Variants in LRRC4 observed in about 807,000 individuals in gnomAD.
LRRC4 encodes leucine rich repeat containing 4, also known as leucine-rich repeat-containing protein 4.
A neutral mutation model predicts 37.9 loss-of-function variants in LRRC4; 11 were observed. That is an observed-to-expected ratio of 0.29 (90% CI 0.18 to 0.48). The LOEUF is 0.48. Ranked by LOEUF, LRRC4 falls within the 20% of genes least tolerant of loss-of-function variation. LRRC4 has a pLI of 0.99. For missense variants in LRRC4, 717 were observed against 842.1 expected (o/e 0.85, Z 1.84); for synonymous variants, 404 against 346.7 (o/e 1.17, Z -1.84).
rs1792501927 is a variant in LRRC4 at position 128,029,284 on chromosome 7, A to G, written c.1357T>C (p.Phe453Leu). The stretch of plus-strand genomic sequence containing the variant: ...GTCTCCACTGTTACTGTGGTGAAGA[A>G]GCTGTAGTTGGAGGTGTTAAGCTCA... ...TAELNTSNYS[F>L]FTTVTVETTE... Residue 453 changes from phenylalanine to leucine, a missense_variant, in exon 2 of 2, where the codon TTC becomes CTC. Phe to Leu is a conservative substitution (Grantham distance 22, BLOSUM62 0). This residue lies in a region of LRRC4 where 293 missense variants were observed against 268.3 expected (regional missense o/e 1.09). Transcript: ENST00000249363. The surrounding 1 kb of genome is among the most constrained non-coding windows in gnomAD (Gnocchi z 4.2). The G allele has an allele frequency of 6.2e-7, 1 of 1,614,160 alleles. No individual in the cohort carries two copies.
Position 128,028,495 on chromosome 7 carries a change from A to C in LRRC4, c.*184T>G. The C allele has an allele frequency of 8.6e-6, 5 of 582,802 alleles. No homozygotes were observed. Among genetic ancestry groups the C allele is most frequent in the East Asian group, 3.2e-5 (1 of 31,096 alleles). 36.1% of individuals were successfully genotyped at this position (582,802 alleles called of 1,614,324 possible). On this transcript the variant is annotated 3_prime_UTR_variant, in exon 2 of 2. Coordinates refer to ENST00000249363, the MANE Select transcript of LRRC4 (RefSeq NM_022143.5). ...CCCACCCCCTTTAAATAGAACTTAC[A>C]AGTTAGAAAATATTTTTGTTTTGAC...
rs777776963 is a variant in LRRC4, at chr7:128,030,136, G to A, written c.505C>T (p.Arg169Trp). The change falls in exon 2 of 2, where the codon CGG becomes TGG. Residue 169 changes from arginine to tryptophan, a missense_variant. Coordinates refer to ENST00000249363, the MANE Select transcript of LRRC4 (RefSeq NM_022143.5). ...IESIPSYAFN[R>W]VPSLMRLDLG... ...TCCAGGCGCATGAGGGAGGGCACCCGGTTGAAGGCGTAAGAGGGGATGCTT... is the reference window on the plus strand; with the variant it reads ...TCCAGGCGCATGAGGGAGGGCACCCAGTTGAAGGCGTAAGAGGGGATGCTT... 3.7e-6 allele frequency: 6 copies of A among 1,614,194 alleles called. No individual in the cohort carries two copies. The highest frequency in any genetic ancestry group is 5.1e-6 in the Non-Finnish European group (6 of 1,180,034).
rs771650470 is a variant in LRRC4 at position 128,029,575 on chromosome 7, T to C, written c.1066A>G (p.Met356Val). ...ATGTTGAGGTCTCGAGGTGCGTCCATGATGAAGGGGGCAGAGCACTGGAAG... is the reference window on the plus strand; with the variant it reads ...ATGTTGAGGTCTCGAGGTGCGTCCACGATGAAGGGGGCAGAGCACTGGAAG... ...ASFQCSAPFI[M>V]DAPRDLNISE... Residue 356 changes from methionine (M) to valine (V), a missense_variant, in exon 2 of 2, where the codon ATG (methionine) becomes GTG (valine). Physicochemically the swap from Met to Val is conservative, Grantham distance 21. Around this residue, in one of 5 missense-constraint regions of LRRC4, gnomAD observed 293 missense variants for 268.3 expected, o/e 1.09. Coordinates refer to ENST00000249363, the MANE Select transcript of LRRC4 (RefSeq NM_022143.5). This position sits in a 1 kb window ranked among gnomAD's most constrained non-coding sequence, Gnocchi z 4.2. The C allele has an allele frequency of 1.9e-6, 3 of 1,613,858 alleles. No individual in the cohort carries two copies. Among genetic ancestry groups the C allele is most frequent in the Non-Finnish European group, 1.7e-6 (2 of 1,179,982 alleles).
In LRRC4 at chr7:128,030,004, T is replaced by C. The variant is rs1257137773; in HGVS notation, c.637A>G (p.Asn213Asp). ...TCCAGCCCCACCAGGGGGGTGAGATTGGGCATGTCTTTAATGTTGCACATG... is the reference window on the plus strand; with the variant it reads ...TCCAGCCCCACCAGGGGGGTGAGATCGGGCATGTCTTTAATGTTGCACATG... ...LGMCNIKDMPNLTPLVGLEEL... is the reference protein window; with the variant it reads ...LGMCNIKDMPDLTPLVGLEEL... Residue 213 changes from asparagine to aspartate, a missense_variant, in exon 2 of 2, where the codon AAT becomes GAT. Asn to Asp is a conservative substitution (Grantham distance 23). Coordinates refer to ENST00000249363, the MANE Select transcript of LRRC4 (RefSeq NM_022143.5). 1 of 1,613,132 alleles carries C rather than the reference T, an allele frequency of 6.2e-7. No individual in the cohort carries two copies. The highest frequency in any genetic ancestry group is 8.5e-7 in the Non-Finnish European group (1 of 1,180,006).
chr7:128,030,750 G>T lies in LRRC4; in HGVS notation c.-100-10C>A. On this transcript the variant is annotated splice_polypyrimidine_tract_variant and intron_variant, in intron 1 of 1. Transcript: ENST00000249363. ...GAGCTCCTCTTTCCATCTGGAGAAG[G>T]AGGTGGGGAGGGGGCGATTAGAGAG... The T allele has an allele frequency of 7.4e-7, 1 of 1,350,110 alleles. No homozygotes were observed. Among genetic ancestry groups the T allele is most frequent in the Non-Finnish European group, 1.0e-6 (1 of 995,340 alleles). 83.6% of individuals were successfully genotyped at this position (1,350,110 alleles called of 1,614,324 possible).
rs142682142 is a variant in LRRC4, at chr7:128,029,604, G to A, written c.1037C>T (p.Ala346Val). ...GAAGGGGGCAGAGCACTGGAAGGAGGCCTGGTCCACCTCCACGAGGTAGCG... is the reference window on the plus strand; with the variant it reads ...GAAGGGGGCAGAGCACTGGAAGGAGACCTGGTCCACCTCCACGAGGTAGCG... ...RGRYLVEVDQ[A>V]SFQCSAPFIM... is the part of the protein sequence containing the mutation. Residue 346 changes from alanine (A) to valine (V), a missense_variant, in exon 2 of 2, where the codon GCC (alanine) becomes GTC (valine). Around this residue, in one of 5 missense-constraint regions of LRRC4, gnomAD observed 293 missense variants for 268.3 expected, o/e 1.09. Coordinates refer to ENST00000249363, the MANE Select transcript of LRRC4 (RefSeq NM_022143.5). The surrounding 1 kb of genome is among the most constrained non-coding windows in gnomAD (Gnocchi z 4.2). 6.2e-6 allele frequency: 10 copies of A among 1,614,050 alleles called. No individual in the cohort carries two copies. In the Admixed American group the frequency reaches 8.3e-5, roughly 13 times the overall value.
At position 128,028,569 on chromosome 7, in the gene LRRC4, A is replaced by G; in HGVS notation, c.*110T>C. 1 of 1,040,712 alleles carries G rather than the reference A, an allele frequency of 9.6e-7. No homozygotes were observed. Among genetic ancestry groups the G allele is most frequent in the East Asian group, 2.4e-5 (1 of 41,416 alleles). The allele number at this position is 1,040,712 out of a possible 1,614,324, so 64.5% of individuals were successfully genotyped here. On this transcript the variant is annotated 3_prime_UTR_variant, in exon 2 of 2. Coordinates refer to ENST00000249363, the MANE Select transcript of LRRC4 (RefSeq NM_022143.5). ...AATCTGTTTTTTTTAACCAGCCCATAGACTTAATATATAAGCATATACAAG... is the reference window on the plus strand; with the variant it reads ...AATCTGTTTTTTTTAACCAGCCCATGGACTTAATATATAAGCATATACAAG...
rs767577383 is a variant in LRRC4, at chr7:128,030,405, T to C, written c.236A>G (p.Tyr79Cys). Residue 79 changes from tyrosine (Y) to cysteine (C), a missense_variant, in exon 2 of 2, where the codon TAC becomes TGC. Tyr to Cys is a radical substitution (Grantham distance 194). Transcript: ENST00000249363. Reference sequence around the variant, plus strand: ...GATGTTGTTCTCCATGAGGTTGAGGTACCGGGTGTTCGAGGGAATACCCTG... The same window carrying C: ...GATGTTGTTCTCCATGAGGTTGAGGCACCGGGTGTTCGAGGGAATACCCTG... ...VPQGIPSNTRYLNLMENNIQM... is the reference protein window; with the variant it reads ...VPQGIPSNTRCLNLMENNIQM... The C allele has an allele frequency of 1.2e-6, 2 of 1,613,846 alleles. No homozygotes were observed. Among genetic ancestry groups the C allele is most frequent in the South Asian group, 1.1e-5 (1 of 91,086 alleles).
In LRRC4 at chr7:128,027,146, A is replaced by G. The variant is rs1378175545; in HGVS notation, c.*1533T>C. On this transcript the variant is annotated 3_prime_UTR_variant, in exon 2 of 2. Coordinates refer to ENST00000249363, the MANE Select transcript of LRRC4 (RefSeq NM_022143.5). The stretch of plus-strand genomic sequence containing the variant: ...TTACAATCAGTGTTCTTTTGTTGGC[A>G]ATTCCCCTCCCCCACCCATACCACC... The G allele has an allele frequency of 2.0e-5, 3 of 152,528 alleles. No individual in the cohort carries two copies. The highest frequency in any genetic ancestry group is 2.9e-5 in the Non-Finnish European group (2 of 68,010). The allele number at this position is 152,528 out of a possible 1,614,324, so 9.4% of individuals were successfully genotyped here.
At chr7:128,030,789 G>A (rs1050933275) in intron 1 of LRRC4, 49 bp from the exon 2 acceptor site, 1 of 1,035,684 alleles carries the variant, frequency 9.7e-7, no homozygotes, top group Admixed American at 3.3e-5. Context: ...GAGCGGATCG[G>A]CCGAAAAAAA....
Position 128,031,310 on chromosome 7 carries a change from CCCGCTCTGCGGG to C in LRRC4, c.-510_-499del, listed in dbSNP as rs1171634467. ...CCAAAGTGCGCTCCGGCGGCCCCGGCCCGCTCTGCGGGCCGCCGCCGGAGGGAGTGCGGGGGC... is the reference window on the plus strand; with the variant it reads ...CCAAAGTGCGCTCCGGCGGCCCCGGCCCGCCGCCGGAGGGAGTGCGGGGGC... On this transcript the variant is annotated 5_prime_UTR_variant, in exon 1 of 2. Transcript: ENST00000249363. 6.6e-6 allele frequency among the ~76,000 whole-genome samples: 1 copy of C among 151,594 alleles called. No homozygotes were observed. Among genetic ancestry groups the C allele is most frequent in the Non-Finnish European group, 1.5e-5 (1 of 67,776 alleles).
chr7:128,028,466 C>A lies in LRRC4; in HGVS notation c.*213G>T. The A allele has an allele frequency of 9.1e-5, 36 of 396,380 alleles. No individual in the cohort carries two copies. Among genetic ancestry groups the A allele is most frequent in the East Asian group, 1.4e-4 (3 of 21,408 alleles). The allele number at this position is 396,380 out of a possible 1,614,324, so 24.6% of individuals were successfully genotyped here. A position where few individuals can be genotyped will look rare whatever the true frequency, so the allele number is the denominator to read the frequency against. On this transcript the variant is annotated 3_prime_UTR_variant, in exon 2 of 2. Transcript: ENST00000249363. Reference sequence around the variant, plus strand: ...TGTACCCCACAACGTTCCCAAGATTCCCCCCCACCCCCTTTAAATAGAACT... The same window carrying A: ...TGTACCCCACAACGTTCCCAAGATTACCCCCCACCCCCTTTAAATAGAACT...
At chr7:128,030,764 G>T in intron 1 of LRRC4, 24 bp from the exon 2 acceptor site, 1 of 1,261,796 alleles carries the variant, frequency 7.9e-7, no homozygotes, top group Non-Finnish European at 1.1e-6. Flanking sequence ...TGGGGAGGGG[G>T]CGATTAGAGA....
upstream of LRRC4, among the ~76,000 whole-genome samples, chr7:128,031,775 C>G (rs1290542399): frequency 6.9e-6 from 1 of 145,350 alleles, no homozygotes; most frequent in African/African-American, 2.5e-5. Context: ...CGCGCAACCG[C>G]CCGTCGCCGC....
Position 128,029,287 on chromosome 7 carries a change from T to C in LRRC4, c.1354A>G (p.Ser452Gly), listed in dbSNP as rs767816304. 1 of 1,614,112 alleles carries C rather than the reference T, an allele frequency of 6.2e-7. No homozygotes were observed. ...STAELNTSNY[S>G]FFTTVTVETT... ...TCCACTGTTACTGTGGTGAAGAAGC[T>C]GTAGTTGGAGGTGTTAAGCTCAGCC... The change falls in exon 2 of 2, where the codon AGC (serine) becomes GGC (glycine). Residue 452 changes from serine (S) to glycine (G), a missense_variant. Ser to Gly is a moderately conservative substitution (Grantham distance 56). Around this residue, in one of 5 missense-constraint regions of LRRC4, gnomAD observed 293 missense variants for 268.3 expected, o/e 1.09. Transcript: ENST00000249363. The surrounding 1 kb of genome is among the most constrained non-coding windows in gnomAD (Gnocchi z 4.2).
At position 128,028,949 on chromosome 7, in the gene LRRC4, C is replaced by A. The variant is rs1306030089; in HGVS notation, c.1692G>T (p.Arg564=). The change falls in exon 2 of 2, where the codon CGG becomes CGT. Residue 564 remains arginine, a synonymous_variant. Coordinates refer to ENST00000249363, the MANE Select transcript of LRRC4 (RefSeq NM_022143.5). The part of the protein sequence containing the change: ...HQQRSTVTAA[R]TVEIIQVDED... ...CGTCCACCTGGATTATCTCAACAGT[C>A]CGGGCGGCTGTGACTGTACTCCGCT... The A allele has an allele frequency of 6.2e-7, 1 of 1,608,310 alleles. No individual in the cohort carries two copies. Among genetic ancestry groups the A allele is most frequent in the African/African-American group, 1.3e-5 (1 of 74,968 alleles).
At position 128,031,404 on chromosome 7, in the gene LRRC4, G is replaced by C. The variant is rs1336513584; in HGVS notation, c.-592C>G. On this transcript the variant is annotated 5_prime_UTR_variant, in exon 1 of 2. Coordinates refer to ENST00000249363, the MANE Select transcript of LRRC4 (RefSeq NM_022143.5). ...ATGCTGCGCTCCCTCTCCCGGCGTC[G>C]GCCGCTCCGGGCCGGCGGCAGCTGA... 1 of 151,674 alleles carries C rather than the reference G, an allele frequency of 6.6e-6. No individual in the cohort carries two copies. The highest frequency in any genetic ancestry group is 2.4e-5 in the African/African-American group (1 of 41,328). The allele number at this position is 151,674 out of a possible 1,614,324, so 9.4% of individuals were successfully genotyped here.
In LRRC4 at chr7:128,028,465, TC is replaced by T. The variant is rs977908719; in HGVS notation, c.*213del. 65 of 486,036 alleles carry T rather than the reference TC, an allele frequency of 1.3e-4. No individual in the cohort carries two copies. The highest frequency in any genetic ancestry group is 1.8e-4 in the Non-Finnish European group (52 of 283,656). The allele number at this position is 486,036 out of a possible 1,614,324, so 30.1% of individuals were successfully genotyped here. On this transcript the variant is annotated 3_prime_UTR_variant, in exon 2 of 2. Transcript: ENST00000249363. ...TTGTACCCCACAACGTTCCCAAGAT[TC>T]CCCCCCACCCCCTTTAAATAGAACT...
intron 1 of LRRC4, 47 bp downstream of exon 1, chr7:128,030,866 G>C (rs991185869): frequency 1.2e-5 from 6 of 521,036 alleles, no homozygotes; most frequent in African/African-American, 7.7e-5. Context: ...CGAAAGCTAC[G>C]ACTCTCCCAC....
Sources: allele counts gnomAD v4.1 joint callset (sites outside exome capture counted in the v4.1 genomes callset), GRCh38; gene constraint gnomAD v4.1.1; regional missense constraint gnomAD v4.1.1; non-coding constraint Gnocchi (gnomAD v3.1); transcripts MANE v1.5; gene names NCBI Gene and HGNC (gene_info 2026-07-23, HGNC 2026-07-21).